The following IMPACT variants were observed in gnomAD, a reference collection of about 807,000 sequenced individuals.
IMPACT encodes the protein impact RWD domain protein, also known as protein IMPACT.
In IMPACT, 35 loss-of-function variants were observed where a neutral mutation model predicts 47.5. The ratio of observed to expected loss-of-function variants is 0.74; its 90% confidence interval spans 0.56 to 0.98. The LOEUF (loss-of-function observed/expected upper bound fraction) is 0.98, where lower values mean the gene tolerates loss of function less well. Among genes scored for constraint, IMPACT ranks in the 50% least tolerant of loss-of-function variants. The pLI is 0.00. For synonymous variants in IMPACT, 118 were observed against 125.6 expected (o/e 0.94, Z 0.40); for missense variants, 373 against 394.8 (o/e 0.94, Z 0.47).
intron 5 of IMPACT, chr18:24,439,409 G>A (rs1642553): frequency 0.14 from 20,563 of 152,190 alleles, 1,607 homozygotes; most frequent in Non-Finnish European, 0.16. Context: ...AGGCCGAGGC[G>A]GGCGGATCAC....
At chr18:24,449,796 A>G in intron 9 of IMPACT, 23 bp from the exon 10 acceptor site, 1 of 1,599,510 alleles carries the variant, frequency 6.3e-7, no homozygotes, top group East Asian at 2.2e-5. Flanking sequence ...TATGTATCTA[A>G]TTATGCTTCC....
intron 6 of IMPACT, among the ~76,000 whole-genome samples, chr18:24,442,524 A>G (rs1599766066): frequency 6.6e-6 from 1 of 152,330 alleles, no homozygotes; most frequent in African/African-American, 2.4e-5. Flanking sequence ...TACCAATTGG[A>G]TGTATTATTG....
In IMPACT at chr18:24,452,587, C is replaced by CA. The variant is rs1451313246; in HGVS notation, c.*1742dup. ...AACTCTAGTATTCTTTACCTAAAGT[C>CA]AATTGGCTGGTAAGAGGGAGAGATG... On this transcript the variant is annotated 3_prime_UTR_variant, in exon 11 of 11. Transcript: ENST00000284202. 6.6e-6 allele frequency: 1 copy of CA among 152,032 alleles called. No individual in the cohort carries two copies. Among genetic ancestry groups the CA allele is most frequent in the African/African-American group, 2.4e-5 (1 of 41,406 alleles). 9.4% of individuals were successfully genotyped at this position (152,032 alleles called of 1,614,324 possible).
At chr18:24,431,919 C>T (rs1262404792) in intron 4 of IMPACT, among the ~76,000 whole-genome samples, 1 of 152,188 alleles carries the variant, frequency 6.6e-6, no homozygotes, top group Admixed American at 6.5e-5. Flanking sequence ...CCAGGCTGGT[C>T]TCGAACTCCT....
Position 24,450,783 on chromosome 18 carries a change from A to G in IMPACT, c.899A>G (p.Glu300Gly). The G allele has an allele frequency of 4.4e-6, 7 of 1,606,708 alleles. No individual in the cohort carries two copies. Among genetic ancestry groups the G allele is most frequent in the Non-Finnish European group, 6.0e-6 (7 of 1,174,086 alleles). ...ACTGATTTGTGTCTTTTTCAGGAGG[A>G]GTCATCTAAGGCTTTGGGAAAGAAC... ...VEKNYTNSPE[E>G]SSKALGKNKK... Residue 300 changes from glutamate (E) to glycine (G), a missense_variant, in exon 11 of 11, where the codon GAG (glutamate) becomes GGG (glycine). Coordinates refer to ENST00000284202, the MANE Select transcript of IMPACT (RefSeq NM_018439.4).
chr18:24,434,396 A>G (rs1908849169), intron 4 of IMPACT, among the ~76,000 whole-genome samples: 1 of 152,184 alleles, frequency 6.6e-6, no homozygotes, highest in African/African-American at 2.4e-5. Context: ...AAGAGCAGTC[A>G]GTAACTCAGG....
rs745709577 is a variant in IMPACT, at chr18:24,449,863, T to C, written c.804T>C (p.Tyr268=). The C allele has an allele frequency of 6.2e-7, 1 of 1,613,158 alleles. No homozygotes were observed. Among genetic ancestry groups the C allele is most frequent in the East Asian group, 2.2e-5 (1 of 44,876 alleles). The change falls in exon 10 of 11, where the codon TAT becomes TAC. Residue 268 remains tyrosine, a synonymous_variant. Transcript: ENST00000284202. ...TCATGGTGGTAGTATCACGCTGGTA[T>C]GGAGGGATTCTGCTAGGACCAGATC... ...KNVMVVVSRW[Y]GGILLGPDRF...
At chr18:24,445,537 A>G in intron 8 of IMPACT, 71 bp downstream of exon 8, 2 of 850,328 alleles carry the variant, frequency 2.4e-6, no homozygotes, top group South Asian at 1.9e-5. Context: ...ATGATTTTAG[A>G]AAATAATAAC....
chr18:24,445,978 A>G (rs1411204471), intron 8 of IMPACT, among the ~76,000 whole-genome samples: 1 of 152,194 alleles, frequency 6.6e-6, no homozygotes, highest in East Asian at 1.9e-4. Flanking sequence ...ATGAAATGGG[A>G]ATATAATAAA....
At chr18:24,445,765 G>A (rs1048769435) in intron 8 of IMPACT, among the ~76,000 whole-genome samples, 5 of 151,858 alleles carry the variant, frequency 3.3e-5, no homozygotes, top group Non-Finnish European at 7.4e-5. Context: ...TTAAACAAAA[G>A]CACTTTTTCA....
intron 4 of IMPACT, among the ~76,000 whole-genome samples, chr18:24,434,109 G>A (rs1306093713): frequency 6.6e-6 from 1 of 152,194 alleles, no homozygotes; most frequent in Non-Finnish European, 1.5e-5. Flanking sequence ...GGAAGCCTAT[G>A]TGGGAGGATT....
intron 8 of IMPACT, 85 bp from the exon 9 acceptor site, chr18:24,448,007 TA>T (rs1477643376): frequency 1.4e-6 from 1 of 736,812 alleles, no homozygotes; most frequent in Non-Finnish European, 2.3e-6. Context: ...ATTTTGGAAG[TA>T]ATCAAAATGA....
chr18:24,432,829 C>T (rs1568085725), intron 4 of IMPACT, among the ~76,000 whole-genome samples: 1 of 152,078 alleles, frequency 6.6e-6, no homozygotes, highest in Admixed American at 6.6e-5. Context: ...CTTCCTCCTC[C>T]TTGAAAATCT....
chr18:24,427,858 G>A (rs970530364), intron 1 of IMPACT, 61 bp from the exon 2 acceptor site: 1 of 1,479,562 alleles, frequency 6.8e-7, no homozygotes, highest in African/African-American at 1.4e-5. Flanking sequence ...TTATAAAGTA[G>A]TAAGAATAGG....
intron 4 of IMPACT, among the ~76,000 whole-genome samples, chr18:24,437,317 A>C (rs1029936766): frequency 3.9e-5 from 6 of 152,176 alleles, no homozygotes; most frequent in African/African-American, 1.4e-4. Flanking sequence ...AAAACCTGTG[A>C]CACATTCTTT....
rs762376706 is a variant in IMPACT at position 24,449,896 on chromosome 18, A to C, written c.837A>C (p.Lys279Asn). Residue 279 changes from lysine to asparagine, a missense_variant, in exon 10 of 11, where the codon AAA becomes AAC. Coordinates refer to ENST00000284202, the MANE Select transcript of IMPACT (RefSeq NM_018439.4). ...TTCTGCTAGGACCAGATCGCTTTAA[A>C]CATATCAACAACTGTGCCAGAAACA... ...GGILLGPDRF[K>N]HINNCARNIL... 6 of 1,613,926 alleles carry C rather than the reference A, an allele frequency of 3.7e-6. No individual in the cohort carries two copies. In the South Asian group the frequency reaches 6.6e-5, roughly 18 times the overall value.
At position 24,450,777 on chromosome 18, in the gene IMPACT, A is replaced by G. The variant is rs1209712748; in HGVS notation, c.895-2A>G. ...TGCTGCACTGATTTGTGTCTTTTTC[A>G]GGAGGAGTCATCTAAGGCTTTGGGA... On this transcript the variant is annotated splice_acceptor_variant, in intron 10 of 10. Coordinates refer to ENST00000284202, the MANE Select transcript of IMPACT (RefSeq NM_018439.4). LOFTEE classifies it high-confidence loss of function. 1.9e-6 allele frequency: 3 copies of G among 1,604,098 alleles called. No individual in the cohort carries two copies. The highest frequency in any genetic ancestry group is 2.2e-5 in the South Asian group (2 of 90,542).
At position 24,445,443 on chromosome 18, in the gene IMPACT, C is replaced by T. The variant is rs557491352; in HGVS notation, c.645C>T (p.Ala215=). 681 of 1,605,276 alleles carry T rather than the reference C, an allele frequency of 4.2e-4. 5 individuals carry two copies. The South Asian group carries it at 7.1e-3, about 17-fold the overall frequency. The part of the protein sequence containing the change: ...KLYENKKIAS[A]THNIYAYRIY... ...ATGAGAATAAGAAAATAGCTAGTGC[C>T]ACCCACAACATCTATGCCTACAGGT... Residue 215 remains alanine, a synonymous_variant, in exon 8 of 11, where the codon GCC becomes GCT. Coordinates refer to ENST00000284202, the MANE Select transcript of IMPACT (RefSeq NM_018439.4).
chr18:24,452,329 A>G lies in IMPACT; in HGVS notation c.*1482A>G, dbSNP rs1334818457. ...GTATGTTATCAGGAGCCATCAGAGA[A>G]TGACCTTTTTGTGTTTGGAACACTT... On this transcript the variant is annotated 3_prime_UTR_variant, in exon 11 of 11. Coordinates refer to ENST00000284202, the MANE Select transcript of IMPACT (RefSeq NM_018439.4). 2 of 152,202 alleles carry G rather than the reference A, an allele frequency of 1.3e-5. No individual in the cohort carries two copies. The highest frequency in any genetic ancestry group is 2.9e-5 in the Non-Finnish European group (2 of 68,036). 9.4% of individuals were successfully genotyped at this position (152,202 alleles called of 1,614,324 possible). A position where few individuals can be genotyped will look rare whatever the true frequency, so the allele number is the denominator to read the frequency against.
Sources: gnomAD v4.1 joint callset for allele counts (sites outside exome capture counted in the v4.1 genomes callset) on GRCh38, gnomAD v4.1.1 for gene constraint, MANE v1.5 for transcripts, NCBI Gene and HGNC (gene_info 2026-07-23, HGNC 2026-07-21) for gene names.